Variants in RIMS2 observed in about 807,000 individuals in gnomAD.
RIMS2 encodes regulating synaptic membrane exocytosis 2.
In RIMS2, 59 loss-of-function variants were observed where a neutral mutation model predicts 174.4. The ratio of observed to expected loss-of-function variants is 0.34; its 90% CI spans 0.27 to 0.42. The LOEUF (loss-of-function observed/expected upper bound fraction) is 0.42, where lower values mean the gene tolerates loss of function less well. RIMS2 is among the 10% of genes least tolerant of loss of function. The pLI, the probability that RIMS2 is intolerant of heterozygous loss-of-function variation, is 1.00. For missense variants in RIMS2, 1,620 were observed against 1,666.3 expected (o/e 0.97, Z 0.48); for synonymous variants, 606 against 572.5 (o/e 1.06, Z -0.84).
rs191996401 is a variant in RIMS2 at position 103,939,824 on chromosome 8, C to T, written c.2548-2949C>T. Among the ~76,000 whole-genome samples the T allele has an allele frequency of 3.2e-4, 48 of 152,306 alleles. 1 individual carries two copies. The highest frequency in any genetic ancestry group is 1.4e-3 in the Admixed American group (22 of 15,294). The stretch of plus-strand genomic sequence containing the variant: ...CTCAAGTTCAAAATTCCACAAATCT[C>T]TAGGGCAGGGGTAAAGTGCCACCAG... On this transcript the variant is annotated intron_variant, in intron 13 of 23. Transcript: ENST00000504942.
At chr8:104,104,901 G>A (rs1158847743) in intron 19 of RIMS2, among the ~76,000 whole-genome samples, 1 of 151,414 alleles carries the variant, frequency 6.6e-6, no homozygotes. Context: ...AAAAAAGAGA[G>A]AACATGTTTT....
intron 19 of RIMS2, among the ~76,000 whole-genome samples, chr8:104,101,903 G>C (rs2097910682): frequency 6.6e-6 from 1 of 152,044 alleles, no homozygotes; most frequent in African/African-American, 2.4e-5. Context: ...TGGCTTTTAT[G>C]ATTGTCTGTT....
chr8:103,589,241 C>A (rs904051955), intron 1 of RIMS2, among the ~76,000 whole-genome samples: 1 of 151,552 alleles, frequency 6.6e-6, no homozygotes, highest in African/African-American at 2.4e-5. Flanking sequence ...AGGAAAAAAT[C>A]TAATAATCCA....
intron 19 of RIMS2, among the ~76,000 whole-genome samples, chr8:104,160,138 C>CAA (rs11418172): frequency 1.4e-4 from 19 of 139,916 alleles, no homozygotes; most frequent in South Asian, 6.8e-4. Flanking sequence ...GACTCCATCT[C>CAA]AAAAAAAAAA....
intron 1 of RIMS2, among the ~76,000 whole-genome samples, chr8:103,512,522 G>A (rs1827035782): frequency 6.6e-6 from 1 of 152,144 alleles, no homozygotes; most frequent in Admixed American, 6.5e-5. Flanking sequence ...CAGCTGAAAA[G>A]GGAGGCTGCA....
At chr8:104,094,548 G>A (rs2097721798) in intron 19 of RIMS2, 1 of 701,894 alleles carries the variant, frequency 1.4e-6, no homozygotes, top group East Asian at 2.7e-5. Context: ...GAAGGAAGAG[G>A]TAAAGGAAGA....
chr8:104,124,041 C>T (rs16870992), intron 19 of RIMS2, among the ~76,000 whole-genome samples: 31,656 of 152,010 alleles, frequency 0.21, 3,801 homozygotes, highest in East Asian at 0.58. Context: ...CTGAAAATAA[C>T]ATCTTGGTAT....
intron 1 of RIMS2, among the ~76,000 whole-genome samples, chr8:103,609,892 A>G (rs1160776064): frequency 6.6e-6 from 1 of 152,234 alleles, no homozygotes; most frequent in East Asian, 1.9e-4. Context: ...TTTGATAAGA[A>G]TAGCAGTGAA....
intron 19 of RIMS2, among the ~76,000 whole-genome samples, chr8:104,158,118 A>T (rs2098736345): frequency 1.3e-5 from 2 of 151,816 alleles, no homozygotes; most frequent in African/African-American, 4.8e-5. Context: ...TCATTGTTCA[A>T]CTCCAACTTA....
intron 3 of RIMS2, among the ~76,000 whole-genome samples, chr8:103,884,142 C>T (rs894253925): frequency 4.6e-5 from 7 of 151,804 alleles, no homozygotes; most frequent in South Asian, 2.1e-4. Flanking sequence ...TTCTGTGACC[C>T]GGGGGAGATA....
In RIMS2 at chr8:103,619,352, T is replaced by G. The variant is rs949096613; in HGVS notation, c.177-77734T>G. ...CATTGTGGTTGAGGGAGAGTAGTTG[T>G]ACATCAAAGAATCATGAAAATATAC... On this transcript the variant is annotated intron_variant, in intron 1 of 23. Coordinates refer to ENST00000504942, the Ensembl canonical transcript of RIMS2. Among the ~76,000 whole-genome samples the G allele has an allele frequency of 2.6e-5, 4 of 152,162 alleles. No homozygotes were observed. In the East Asian group the frequency reaches 7.7e-4, roughly 29 times the overall value.
At chr8:103,663,398 G>A (rs1478284702) in intron 1 of RIMS2, among the ~76,000 whole-genome samples, 1 of 152,120 alleles carries the variant, frequency 6.6e-6, no homozygotes, top group Non-Finnish European at 1.5e-5. Context: ...CATCGTGTCA[G>A]CCCCAAATCT....
intron 1 of RIMS2, among the ~76,000 whole-genome samples, chr8:103,528,948 TG>T (rs1835502730): frequency 6.6e-6 from 1 of 152,210 alleles, no homozygotes; most frequent in African/African-American, 2.4e-5. Context: ...GGTAGCTTGA[TG>T]GGGATGGCAT....
chr8:103,504,912 C>T (rs1408540598), intron 1 of RIMS2, among the ~76,000 whole-genome samples: 2 of 132,858 alleles, frequency 1.5e-5, no homozygotes, highest in African/African-American at 5.8e-5. Flanking sequence ...AGTGAGATGG[C>T]GAAATAACGG....
At chr8:103,648,615 A>C (rs1253437485) in intron 1 of RIMS2, among the ~76,000 whole-genome samples, 1 of 152,076 alleles carries the variant, frequency 6.6e-6, no homozygotes, top group Non-Finnish European at 1.5e-5. Context: ...TATGAATCTG[A>C]GTGCTCCTGT....
At chr8:103,621,810 T>C (rs1046943672) in intron 1 of RIMS2, among the ~76,000 whole-genome samples, 1 of 152,196 alleles carries the variant, frequency 6.6e-6, no homozygotes, top group Non-Finnish European at 1.5e-5. Context: ...GGTTGTATTT[T>C]TGAGACATTG....
At chr8:103,828,594 A>G (rs995320100) in intron 3 of RIMS2, among the ~76,000 whole-genome samples, 1 of 151,746 alleles carries the variant, frequency 6.6e-6, no homozygotes, top group Non-Finnish European at 1.5e-5. Flanking sequence ...CCCACTTGTC[A>G]ATTTTTGGTT....
chr8:103,914,696 A>T (rs2076342007), intron 6 of RIMS2, among the ~76,000 whole-genome samples: 1 of 152,144 alleles, frequency 6.6e-6, no homozygotes, highest in Admixed American at 6.5e-5. Context: ...TTGAATTCAA[A>T]TAACTTTCAC....
intron 1 of RIMS2, among the ~76,000 whole-genome samples, chr8:103,573,713 A>T (rs1296443023): frequency 6.6e-6 from 1 of 152,062 alleles, no homozygotes; most frequent in Non-Finnish European, 1.5e-5. Context: ...TTGGATCCAT[A>T]TGAATTTTAG....
Sources: gnomAD v4.1 joint callset for allele counts (sites outside exome capture counted in the v4.1 genomes callset) on GRCh38, gnomAD v4.1.1 for gene constraint, MANE v1.5 for transcripts, NCBI Gene and HGNC (gene_info 2026-07-23, HGNC 2026-07-21) for gene names.